The following CP variants were observed in gnomAD, a reference collection of about 807,000 sequenced individuals.
CP encodes caeruloplasmin.
In CP, 64 loss-of-function variants were observed where a neutral mutation model predicts 122.4. The ratio of observed to expected loss-of-function variants is 0.52; its 90% CI spans 0.43 to 0.64. CP has a LOEUF of 0.64. Among genes scored for constraint, CP ranks in the 30% least tolerant of loss-of-function variants. The pLI is 0.00. For missense variants in CP, 1,167 were observed against 1,284.4 expected (o/e 0.91, Z 1.40); for synonymous variants, 440 against 436.4 (o/e 1.01, Z -0.10).
chr3:149,206,126 G>T (rs558277726), intron 6 of CP, 42 bp downstream of exon 6: 1 of 1,584,146 alleles, frequency 6.3e-7, no homozygotes, highest in East Asian at 2.2e-5. Context: ...TTTGTGCGGG[G>T]GAGAGCATAT....
chr3:149,186,823 TA>T, intron 10 of CP, 91 bp from the exon 11 acceptor site: 1 of 1,251,688 alleles, frequency 8.0e-7, no homozygotes, highest in South Asian at 1.2e-5. Flanking sequence ...TTTGTTTTTT[TA>T]ATTTTTAAAA....
chr3:149,210,403 G>A (rs1728032106), intron 2 of CP, 24 bp from the exon 3 acceptor site: 5 of 1,598,544 alleles, frequency 3.1e-6, no homozygotes, highest in Non-Finnish European at 4.3e-6. Flanking sequence ...TGCAATGAAG[G>A]TGCAAAGTGA....
At chr3:149,175,664 A>AGTGTGTGTGTGTGTGTGTGTGTGTGTGT (rs60005904) in intron 18 of CP, among the ~76,000 whole-genome samples, 76 of 145,658 alleles carry the variant, frequency 5.2e-4, no homozygotes, top group Middle Eastern at 3.5e-3. Flanking sequence ...CTCCATTTTA[A>AGTGTGTGTGTGTGTGTGTGTGTGTGTGT]GTGTGTGTGT....
chr3:149,202,753 G>A (rs190969487), intron 6 of CP, among the ~76,000 whole-genome samples: 2,065 of 150,464 alleles, frequency 0.014, 47 homozygotes, highest in African/African-American at 0.046. Flanking sequence ...GACTACAGGC[G>A]CCTGCCACCA....
intron 14 of CP, 31 bp downstream of exon 14, chr3:149,181,974 G>GGGGGGGGGGGGGC: frequency 7.4e-6 from 10 of 1,356,688 alleles, no homozygotes; most frequent in Non-Finnish European, 1.0e-5. Context: ...CTGTTAAAAT[G>GGGGGGGGGGGGGC]CACCACCCCC....
chr3:149,184,446 C>T (rs1195156459), intron 12 of CP, among the ~76,000 whole-genome samples: 12 of 152,162 alleles, frequency 7.9e-5, no homozygotes, highest in African/African-American at 2.9e-4. Context: ...TGCTGTCAAA[C>T]AGGTAACCAC....
At chr3:149,172,189 TCTC>T, downstream of CP, 1 of 1,613,730 alleles carries the variant, frequency 6.2e-7, no homozygotes, top group Non-Finnish European at 8.5e-7. Flanking sequence ...TGCCATATCT[TCTC>T]TATTGCAGTC....
chr3:149,210,988 C>G (rs1000594688), intron 2 of CP, among the ~76,000 whole-genome samples: 5 of 152,098 alleles, frequency 3.3e-5, no homozygotes, highest in African/African-American at 4.8e-5. Context: ...AGATAGGAAC[C>G]CTTTTTTTCT....
chr3:149,221,403 C>T (rs1439007700), intron 1 of CP, among the ~76,000 whole-genome samples: 3 of 152,016 alleles, frequency 2.0e-5, no homozygotes, highest in African/African-American at 7.2e-5. Flanking sequence ...GATGCAGTTA[C>T]GACCATGGGA....
chr3:149,170,805 C>T (rs1388092838), downstream of CP, among the ~76,000 whole-genome samples: 1 of 152,134 alleles, frequency 6.6e-6, no homozygotes, highest in African/African-American at 2.4e-5. Context: ...ATGCAACGAT[C>T]ACACAGGGAA....
chr3:149,175,205 A>G (rs1725341958), intron 18 of CP, among the ~76,000 whole-genome samples: 1 of 152,122 alleles, frequency 6.6e-6, no homozygotes, highest in Admixed American at 6.6e-5. Context: ...TTATTTAAAG[A>G]CTAAAGTTTT....
At position 149,206,177 on chromosome 3, in the gene CP, G is replaced by A. The variant is rs1446212124; in HGVS notation, c.1199C>T (p.Ala400Val). The change falls in exon 6 of 19, where the codon GCA (alanine) becomes GTA (valine). Residue 400 changes from alanine (A) to valine (V), a missense_variant. This residue lies in a region of CP where 642 missense variants were observed against 627.3 expected (regional missense o/e 1.02). Transcript: ENST00000264613. ...IDIFTKENLT[A>V]PGSDSAVFFE... ...TTTTTTTGTAAATTACCTTCCAGGT[G>A]CTGTTAAGTTTTCTTTAGTGAAGAT... 1.9e-6 allele frequency: 3 copies of A among 1,613,788 alleles called. No individual in the cohort carries two copies. Among genetic ancestry groups the A allele is most frequent in the Non-Finnish European group, 2.5e-6 (3 of 1,179,728 alleles).
At position 149,186,538 on chromosome 3, in the gene CP, T is replaced by C. The variant is rs1726183089; in HGVS notation, c.2059A>G (p.Met687Val). Residue 687 changes from methionine (M) to valine (V), a missense_variant, in exon 11 of 19, where the codon ATG becomes GTG. Around this residue, in one of 2 missense-constraint regions of CP, gnomAD observed 525 missense variants for 657.2 expected, o/e 0.80. Coordinates refer to ENST00000264613, the MANE Select transcript of CP (RefSeq NM_000096.4). ...AATATACCCTCTGTGTCAGGCCACA[T>C]GTGGAGCGTAAGACTTGTTTGAGGG... ...LFPQTSLTLH[M>V]WPDTEGTFNV... 6.2e-7 allele frequency: 1 copy of C among 1,614,198 alleles called. No homozygotes were observed. Among genetic ancestry groups the C allele is most frequent in the Admixed American group, 1.7e-5 (1 of 60,032 alleles).
chr3:149,181,491 A>G (rs919758000), intron 14 of CP, among the ~76,000 whole-genome samples: 2 of 152,186 alleles, frequency 1.3e-5, no homozygotes, highest in African/African-American at 4.8e-5. Context: ...TAGAAGAAAA[A>G]TATGGTTCTT....
At chr3:149,177,156 C>A (rs1725470953) in intron 17 of CP, among the ~76,000 whole-genome samples, 1 of 152,126 alleles carries the variant, frequency 6.6e-6, no homozygotes, top group Non-Finnish European at 1.5e-5. Context: ...ACTGATCTTG[C>A]TCACCATGGG....
At chr3:149,180,027 C>G (rs1576731485) in intron 14 of CP, 2 of 273,314 alleles carry the variant, frequency 7.3e-6, no homozygotes, top group East Asian at 1.9e-4. Flanking sequence ...TCTTCAGATA[C>G]CAAGTGATTT....
chr3:149,189,508 C>G (rs1227797612), intron 9 of CP, among the ~76,000 whole-genome samples: 1 of 148,240 alleles, frequency 6.7e-6, no homozygotes, highest in Non-Finnish European at 1.5e-5. Flanking sequence ...GAGCCAAGAT[C>G]GAGCCACTGC....
chr3:149,182,539 T>C (rs1250744539), intron 13 of CP, among the ~76,000 whole-genome samples: 1 of 152,124 alleles, frequency 6.6e-6, no homozygotes, highest in African/African-American at 2.4e-5. Context: ...TAACCAAGCC[T>C]CAGGGGAATG....
At chr3:149,191,943 GACTA>G (rs1431516342) in intron 9 of CP, among the ~76,000 whole-genome samples, 3 of 151,990 alleles carry the variant, frequency 2.0e-5, no homozygotes. Flanking sequence ...CTGAGTGAAA[GACTA>G]ACTATAGCTA....
Sources: gnomAD v4.1 joint callset for allele counts (sites outside exome capture counted in the v4.1 genomes callset) on GRCh38, gnomAD v4.1.1 for gene constraint, gnomAD v4.1.1 regional missense constraint, MANE v1.5 for transcripts, NCBI Gene and HGNC (gene_info 2026-07-23, HGNC 2026-07-21) for gene names.